The following CDH18 variants were observed in gnomAD, a reference collection of about 807,000 sequenced individuals.
CDH18 encodes cadherin-18.
Under a neutral mutation model 67.9 loss-of-function variants are expected in CDH18, and 31 were observed. The observed-to-expected ratio is 0.46, with a 90% CI of 0.34 to 0.62. The LOEUF is 0.62. CDH18 is among the 20% of genes least tolerant of loss of function. The pLI is 0.01. For synonymous variants in CDH18, 362 were observed against 347.2 expected (o/e 1.04, Z -0.48); for missense variants, 890 against 975.5 (o/e 0.91, Z 1.17).
At chr5:19,561,976 T>G (rs1285691436) in intron 8 of CDH18, among the ~76,000 whole-genome samples, 1 of 152,168 alleles carries the variant, frequency 6.6e-6, no homozygotes, top group Non-Finnish European at 1.5e-5. Context: ...AGACAAAGAC[T>G]TTTGATTTTA....
intron 12 of CDH18, among the ~76,000 whole-genome samples, chr5:19,482,363 G>A (rs1225124522): frequency 8.5e-5 from 13 of 152,130 alleles, no homozygotes; most frequent in African/African-American, 2.2e-4. Context: ...TGATCCGCCC[G>A]CCTCGGCCTC....
At chr5:19,763,427 G>A (rs775686992) in intron 3 of CDH18, among the ~76,000 whole-genome samples, 1 of 152,268 alleles carries the variant, frequency 6.6e-6, no homozygotes, top group Non-Finnish European at 1.5e-5. Context: ...AAGTACAAAT[G>A]TTTGGTGTTT....
At chr5:19,556,289 G>GA (rs2127177264) in intron 8 of CDH18, among the ~76,000 whole-genome samples, 1 of 152,010 alleles carries the variant, frequency 6.6e-6, no homozygotes, top group Admixed American at 6.6e-5. Flanking sequence ...TGAATTGCCA[G>GA]AAAAAGATTT....
chr5:19,637,911 T>G (rs547411771), intron 5 of CDH18, among the ~76,000 whole-genome samples: 1 of 152,208 alleles, frequency 6.6e-6, no homozygotes, highest in Non-Finnish European at 1.5e-5. Flanking sequence ...GAATAAAATC[T>G]GTGTACCATG....
intron 1 of CDH18, among the ~76,000 whole-genome samples, chr5:20,518,508 A>C (rs1755516699): frequency 6.6e-6 from 1 of 152,162 alleles, no homozygotes; most frequent in Non-Finnish European, 1.5e-5. Flanking sequence ...CAGAAAAATT[A>C]TGGATCCTGT....
At chr5:20,300,292 T>TTGTGTGTGCGTGTGTG (rs1469171406) in intron 1 of CDH18, among the ~76,000 whole-genome samples, 1 of 106,640 alleles carries the variant, frequency 9.4e-6, no homozygotes, top group African/African-American at 2.9e-5. Context: ...ATAGATTAAG[T>TTGTGTGTGCGTGTGTG]TGTGTGTGTG....
At chr5:20,452,456 A>C (rs1266723810) in intron 1 of CDH18, among the ~76,000 whole-genome samples, 1 of 152,154 alleles carries the variant, frequency 6.6e-6, no homozygotes, top group Admixed American at 6.6e-5. Context: ...CATTCTTTTC[A>C]GGAACATGAT....
intron 1 of CDH18, among the ~76,000 whole-genome samples, chr5:20,557,111 C>G (rs1020266607): frequency 6.6e-6 from 1 of 152,030 alleles, no homozygotes; most frequent in African/African-American, 2.4e-5. Flanking sequence ...GTTCATATGT[C>G]TGATAGTAAC....
intron 1 of CDH18, among the ~76,000 whole-genome samples, chr5:20,339,308 G>T (rs1740047691): frequency 6.6e-6 from 1 of 152,112 alleles, no homozygotes. Context: ...CCTCCTGAGG[G>T]AAGTATTAAT....
intron 1 of CDH18, among the ~76,000 whole-genome samples, chr5:20,346,639 A>G (rs1013367263): frequency 1.3e-5 from 2 of 152,146 alleles, no homozygotes; most frequent in African/African-American, 4.8e-5. Context: ...ATTCCCTGCA[A>G]TGGGTGTTAC....
At chr5:20,045,548 G>T (rs1284864270) in intron 2 of CDH18, among the ~76,000 whole-genome samples, 5 of 151,466 alleles carry the variant, frequency 3.3e-5, no homozygotes, top group African/African-American at 7.3e-5. Flanking sequence ...ATATTTAAAA[G>T]GAACTAAGGT....
chr5:19,677,971 C>G (rs1265968310), intron 5 of CDH18, among the ~76,000 whole-genome samples: 1 of 151,728 alleles, frequency 6.6e-6, no homozygotes, highest in Non-Finnish European at 1.5e-5. Context: ...ATATAAAACA[C>G]AGGAGAACCA....
In CDH18 at chr5:19,839,042, G is replaced by T. The variant is rs1468560786; in HGVS notation, c.-56C>A. 5 of 1,380,244 alleles carry T rather than the reference G, an allele frequency of 3.6e-6. No homozygotes were observed. The highest frequency in any genetic ancestry group is 3.5e-5 in the South Asian group (3 of 84,974). 85.5% of individuals were successfully genotyped at this position (1,380,244 alleles called of 1,614,324 possible). ...CTTCCTTTCCTTGTCAGCTACGAAA[G>T]CTTAGTGAGCATTCAAGAGAGAAGC... On this transcript the variant is annotated 5_prime_UTR_variant, in exon 3 of 13. Coordinates refer to ENST00000382275, the MANE Select transcript of CDH18 (RefSeq NM_004934.5).
chr5:20,541,994 G>A (rs918940476), intron 1 of CDH18, among the ~76,000 whole-genome samples: 2 of 152,124 alleles, frequency 1.3e-5, no homozygotes. Flanking sequence ...CACCCAGGCC[G>A]GAGTGTAGAG....
intron 4 of CDH18, among the ~76,000 whole-genome samples, chr5:19,737,947 G>A (rs565109596): frequency 5.3e-5 from 8 of 151,926 alleles, no homozygotes; most frequent in African/African-American, 1.7e-4. Context: ...TTATTATTAG[G>A]ATCTATATAT....
intron 1 of CDH18, among the ~76,000 whole-genome samples, chr5:20,308,421 T>C (rs1361093542): frequency 6.6e-6 from 1 of 151,824 alleles, no homozygotes; most frequent in African/African-American, 2.4e-5. Flanking sequence ...CAGGTGCCTG[T>C]ACTCCCAGCT....
rs537594163 is a variant in CDH18 at position 20,542,015 on chromosome 5, G to A, written c.-580+33447C>T. Among the ~76,000 whole-genome samples the A allele has an allele frequency of 3.1e-4, 47 of 152,124 alleles. No individual in the cohort carries two copies. In the East Asian group the frequency reaches 3.9e-3, roughly 13 times the overall value. On this transcript the variant is annotated intron_variant, in intron 1 of 14. Coordinates refer to the CDH18 transcript ENST00000507958. ...GGCCGGAGTGTAGAGGTGCAATCTC[G>A]GCTCACTGCAACCTCAGCCTCCCAG...
At chr5:19,664,054 C>T (rs1477402721) in intron 5 of CDH18, among the ~76,000 whole-genome samples, 1 of 151,654 alleles carries the variant, frequency 6.6e-6, no homozygotes, top group Non-Finnish European at 1.5e-5. Context: ...CTGCATTAAT[C>T]CCTGTGAACT....
chr5:20,042,760 G>A (rs1740545401), intron 2 of CDH18, among the ~76,000 whole-genome samples: 1 of 151,974 alleles, frequency 6.6e-6, no homozygotes, highest in African/African-American at 2.4e-5. Flanking sequence ...TCAAGAGATC[G>A]AGACCATCCT....
Sources: allele counts gnomAD v4.1 joint callset (sites outside exome capture counted in the v4.1 genomes callset), GRCh38; gene constraint gnomAD v4.1.1; transcripts MANE v1.5; gene names NCBI Gene and HGNC (gene_info 2026-07-23, HGNC 2026-07-21).